The following SOX5 variants were observed in gnomAD, a reference collection of about 807,000 sequenced individuals.
The protein encoded by SOX5 is transcription factor SOX-5.
A neutral mutation model predicts 92.0 loss-of-function variants in SOX5; 9 were observed. That is an observed-to-expected ratio of 0.10 (90% CI 0.06 to 0.17). The LOEUF is 0.17. Among genes scored for constraint, SOX5 ranks in the 10% least tolerant of loss-of-function variants. The probability of loss-of-function intolerance (pLI) is 1.00; values close to 1 mark genes in which losing one functional copy is unlikely to be tolerated. For missense variants in SOX5, 642 were observed against 944.5 expected, an observed-to-expected ratio of 0.68 and a Z score of 4.20; for synonymous variants, 344 against 336.3, an observed-to-expected ratio of 1.02 and a Z score of -0.25.
At chr12:24,153,314 G>A (rs1201688094) in intron 4 of SOX5, among the ~76,000 whole-genome samples, 1 of 152,120 alleles carries the variant, frequency 6.6e-6, no homozygotes, top group Non-Finnish European at 1.5e-5. Flanking sequence ...GGGAGAAGGA[G>A]GGGGTGCCCT....
intron 1 of SOX5, among the ~76,000 whole-genome samples, chr12:24,535,471 C>A (rs763512698): frequency 7.9e-5 from 12 of 152,054 alleles, no homozygotes; most frequent in African/African-American, 2.9e-4. Flanking sequence ...AGTTACCAAG[C>A]GATCTGAAAA....
chr12:24,117,965 G>A (rs1006554696), intron 4 of SOX5, among the ~76,000 whole-genome samples: 1 of 143,316 alleles, frequency 7.0e-6, no homozygotes, highest in East Asian at 2.1e-4. Context: ...GTTGCAGTAA[G>A]CCCAGATGGT....
chr12:24,043,926 C>T (rs1956760292), intron 4 of SOX5, among the ~76,000 whole-genome samples: 1 of 151,966 alleles, frequency 6.6e-6, no homozygotes, highest in South Asian at 2.1e-4. Flanking sequence ...TCAATTTAAC[C>T]TTACAACAAA....
intron 4 of SOX5, among the ~76,000 whole-genome samples, chr12:23,998,534 G>A (rs1951256859): frequency 6.6e-6 from 1 of 152,116 alleles, no homozygotes; most frequent in African/African-American, 2.4e-5. Flanking sequence ...GCCAGGAATG[G>A]TGGCTCATGC....
chr12:23,933,057 G>A (rs1941791131), intron 1 of SOX5, among the ~76,000 whole-genome samples: 1 of 151,648 alleles, frequency 6.6e-6, no homozygotes, highest in East Asian at 1.9e-4. Flanking sequence ...CCTGCCAGAT[G>A]ACTTGTATTA....
intron 1 of SOX5, among the ~76,000 whole-genome samples, chr12:24,415,258 T>C (rs986408086): frequency 1.3e-5 from 2 of 152,212 alleles, no homozygotes; most frequent in Non-Finnish European, 2.9e-5. Context: ...GACCATAAAC[T>C]GTAAATAGGA....
chr12:23,763,095 T>C (rs554325085), intron 3 of SOX5, among the ~76,000 whole-genome samples: 1 of 152,320 alleles, frequency 6.6e-6, no homozygotes, highest in African/African-American at 2.4e-5. Context: ...ATATTTACAA[T>C]GATAATATAA....
chr12:24,023,198 G>A (rs1940505399), intron 4 of SOX5, among the ~76,000 whole-genome samples: 2 of 152,038 alleles, frequency 1.3e-5, no homozygotes, highest in African/African-American at 2.4e-5. Flanking sequence ...ATCAAATAAT[G>A]AGCACATTCA....
rs145444944 is a variant in SOX5 at position 24,479,478 on chromosome 12, G to T, written c.-251+82851C>A. Reference sequence around the variant, plus strand: ...CAACCGTTTTGCAATTGAGGAAAATGAGCTAAAGAGAGGTTAAATAACTCA... The same window carrying T: ...CAACCGTTTTGCAATTGAGGAAAATTAGCTAAAGAGAGGTTAAATAACTCA... On this transcript the variant is annotated intron_variant, in intron 1 of 4. Transcript: ENST00000446891. 3.9e-5 allele frequency among the ~76,000 whole-genome samples: 6 copies of T among 152,250 alleles called. No homozygotes were observed. The East Asian group carries it at 9.6e-4, about 24-fold the overall frequency.
At chr12:23,582,250 A>G (rs1592269984) in intron 9 of SOX5, 4 of 985,034 alleles carry the variant, frequency 4.1e-6, no homozygotes, top group Non-Finnish European at 4.8e-6. Flanking sequence ...CTCCTACCCA[A>G]ATAAGGCATT....
At chr12:24,223,699 G>A (rs1961096406) in intron 3 of SOX5, among the ~76,000 whole-genome samples, 2 of 152,152 alleles carry the variant, frequency 1.3e-5, no homozygotes, top group African/African-American at 4.8e-5. Context: ...AGGCTGCAGT[G>A]AGCTATGATC....
intron 1 of SOX5, among the ~76,000 whole-genome samples, chr12:23,914,512 T>A (rs1024021043): frequency 7.2e-5 from 11 of 152,118 alleles, no homozygotes; most frequent in African/African-American, 2.7e-4. Context: ...AATAATTTCA[T>A]CTCTATCACG....
intron 1 of SOX5, among the ~76,000 whole-genome samples, chr12:24,529,216 G>A (rs1950963345): frequency 6.6e-6 from 1 of 152,128 alleles, no homozygotes; most frequent in Admixed American, 6.5e-5. Context: ...AATATGGAGA[G>A]AATAAAAGAC....
At chr12:23,860,965 A>AAAC (rs376916646) in intron 2 of SOX5, among the ~76,000 whole-genome samples, 1 of 140,060 alleles carries the variant, frequency 7.1e-6, no homozygotes, top group Non-Finnish European at 1.5e-5. Context: ...AAAAAAAAAA[A>AAAC]AAAAAAAAAA....
At chr12:24,323,290 T>C (rs552255831) in intron 2 of SOX5, among the ~76,000 whole-genome samples, 2 of 151,262 alleles carry the variant, frequency 1.3e-5, no homozygotes, top group African/African-American at 4.8e-5. Flanking sequence ...TAAGGGTATG[T>C]AGCTGATTAT....
In SOX5 at chr12:24,204,113, G is replaced by A. The variant is rs971476027; in HGVS notation, c.-2+9230C>T. 1.1e-4 allele frequency among the ~76,000 whole-genome samples: 16 copies of A among 151,916 alleles called. 1 individual carries two copies. The highest frequency in any genetic ancestry group is 3.9e-4 in the Admixed American group (6 of 15,262). On this transcript the variant is annotated intron_variant, in intron 4 of 4. Coordinates refer to the SOX5 transcript ENST00000446891. ...AATTAATCAGTTTCATTAATTTCTG[G>A]TTTGTCCTTCCTATTCTTGGTTCCA...
At chr12:24,318,900 T>C (rs1460779297) in intron 2 of SOX5, among the ~76,000 whole-genome samples, 1 of 152,192 alleles carries the variant, frequency 6.6e-6, no homozygotes, top group Non-Finnish European at 1.5e-5. Context: ...CAGTGACTAT[T>C]CTACAGATTA....
intron 2 of SOX5, among the ~76,000 whole-genome samples, chr12:24,351,665 G>A (rs1954099003): frequency 6.6e-6 from 1 of 152,192 alleles, no homozygotes; most frequent in Non-Finnish European, 1.5e-5. Context: ...CTAAGTTGCT[G>A]AGGTAAGAAA....
chr12:24,058,942 T>C (rs1939132464), intron 4 of SOX5, among the ~76,000 whole-genome samples: 1 of 152,152 alleles, frequency 6.6e-6, no homozygotes, highest in African/African-American at 2.4e-5. Context: ...ATGATTCCTA[T>C]GAAAAGATAT....
Sources: allele counts gnomAD v4.1 joint callset (sites outside exome capture counted in the v4.1 genomes callset), GRCh38; gene constraint gnomAD v4.1.1; transcripts MANE v1.5; gene names NCBI Gene and HGNC (gene_info 2026-07-23, HGNC 2026-07-21).